Variants in NOX4 observed in about 807,000 individuals in gnomAD.
NOX4 encodes the protein NADPH oxidase 4.
Under a neutral mutation model 87.6 loss-of-function variants are expected in NOX4, and 69 were observed. The observed-to-expected ratio is 0.79, with a 90% CI of 0.65 to 0.96. NOX4 has a LOEUF of 0.96. Among genes scored for constraint, NOX4 ranks in the 40% least tolerant of loss-of-function variants. The probability of loss-of-function intolerance (pLI) is 0.00; values close to 1 mark genes in which losing one functional copy is unlikely to be tolerated. For synonymous variants in NOX4, 275 were observed against 238.2 expected (o/e 1.15, Z -1.42); for missense variants, 680 against 681.5 (o/e 1.00, Z 0.02).
At chr11:89,429,260 A>G (rs1191026356) in intron 7 of NOX4, among the ~76,000 whole-genome samples, 1 of 152,214 alleles carries the variant, frequency 6.6e-6, no homozygotes, top group Non-Finnish European at 1.5e-5. Context: ...GAAAGCAGGA[A>G]AGATCTAAAA....
chr11:89,467,886 A>ACATT (rs1162916838), intron 2 of NOX4, among the ~76,000 whole-genome samples: 2 of 152,350 alleles, frequency 1.3e-5, no homozygotes, highest in East Asian at 3.9e-4. Context: ...TTTGGCAATT[A>ACATT]CATTACTTTG....
At chr11:89,546,132 C>A in the NOX4 span, among the ~76,000 whole-genome samples, 1 of 152,110 alleles carries the variant, frequency 6.6e-6, no homozygotes, top group African/African-American at 2.4e-5. Flanking sequence ...TCATTTCAAC[C>A]ACTGTTCCCA....
chr11:89,443,282 A>AC (rs1414904355), intron 5 of NOX4: 1 of 152,106 alleles, frequency 6.6e-6, no homozygotes, highest in East Asian at 1.9e-4. Context: ...AAACACATGA[A>AC]CACAACAGTA....
At chr11:89,589,400 C>T in the NOX4 span, 6 of 152,192 alleles carry the variant, frequency 3.9e-5, no homozygotes, top group Admixed American at 3.9e-4. Flanking sequence ...AGTAGAAGCC[C>T]TATGTAATAC....
chr11:89,403,885 C>A (rs1942020331), intron 8 of NOX4, among the ~76,000 whole-genome samples: 1 of 152,196 alleles, frequency 6.6e-6, no homozygotes, highest in African/African-American at 2.4e-5. Flanking sequence ...ACCATCTCCT[C>A]ATCCTGATCA....
chr11:89,539,153 G>A, the NOX4 span, among the ~76,000 whole-genome samples: 4 of 152,156 alleles, frequency 2.6e-5, no homozygotes, highest in Admixed American at 6.5e-5. Context: ...AAATTTTTGG[G>A]CAGGATGCGG....
intron 11 of NOX4, among the ~76,000 whole-genome samples, chr11:89,384,342 GC>G (rs1443272382): frequency 2.6e-5 from 4 of 152,060 alleles, no homozygotes; most frequent in African/African-American, 9.7e-5. Flanking sequence ...AATTACCTGG[GC>G]TGTACTGCCA....
chr11:89,408,865 A>G (rs534990109), intron 8 of NOX4, among the ~76,000 whole-genome samples: 1 of 152,208 alleles, frequency 6.6e-6, no homozygotes, highest in South Asian at 2.1e-4. Flanking sequence ...CCCACATTTC[A>G]TTTTGCAGTG....
chr11:89,516,929 C>T, the NOX4 span, among the ~76,000 whole-genome samples: 13 of 152,030 alleles, frequency 8.6e-5, no homozygotes, highest in South Asian at 2.1e-3. Context: ...TACAGTTTTT[C>T]GAAAACAAAC....
rs568321674 is a variant in NOX4 at position 89,454,353 on chromosome 11, G to T, written c.154-2458C>A. ...ATCTACTCTGACAAGCTGAGTAGAT[G>T]TTATTATTGCCATGTTGGAGATGAA... On this transcript the variant is annotated intron_variant, in intron 2 of 17. Coordinates refer to ENST00000263317, the MANE Select transcript of NOX4 (RefSeq NM_016931.5). Among the ~76,000 whole-genome samples, 11 of 152,170 alleles carry T rather than the reference G, an allele frequency of 7.2e-5. No individual in the cohort carries two copies. In the South Asian group the frequency reaches 2.3e-3, roughly 32 times the overall value.
At chr11:89,483,655 TAGAC>T (rs57067802) in intron 2 of NOX4, among the ~76,000 whole-genome samples, 32,342 of 151,532 alleles carry the variant, frequency 0.21, 4,700 homozygotes, top group African/African-American at 0.42. Flanking sequence ...AAATTTCAGA[TAGAC>T]AGGAAGAATA....
At chr11:89,457,397 A>G (rs116136247) in intron 2 of NOX4, among the ~76,000 whole-genome samples, 3,490 of 152,264 alleles carry the variant, frequency 0.023, 137 homozygotes, top group African/African-American at 0.08. Context: ...ACACAGGACC[A>G]CTTCAGGCTC....
At chr11:89,480,630 G>T (rs958920294) in intron 2 of NOX4, among the ~76,000 whole-genome samples, 1 of 151,966 alleles carries the variant, frequency 6.6e-6, no homozygotes, top group East Asian at 1.9e-4. Context: ...TAATCAATGC[G>T]CAAATTGCTT....
rs747592281 is a variant in NOX4, at chr11:89,440,726, G to GA, written c.448-12dup. ...AAGTTTTCTAGGATCCTGAGAAAAA[G>GA]AAAAAAAAATAAATGATTAAAAACT... On this transcript the variant is annotated splice_polypyrimidine_tract_variant and intron_variant, in intron 5 of 17. Transcript: ENST00000263317. 1,868 of 1,440,482 alleles carry GA rather than the reference G, an allele frequency of 1.3e-3. No individual in the cohort carries two copies. The highest frequency in any genetic ancestry group is 1.4e-3 in the Non-Finnish European group (1,479 of 1,050,184). The allele number at this position is 1,440,482 out of a possible 1,614,324, so 89.2% of individuals were successfully genotyped here.
At chr11:89,535,511 T>A in the NOX4 span, among the ~76,000 whole-genome samples, 1 of 152,198 alleles carries the variant, frequency 6.6e-6, no homozygotes, top group East Asian at 1.9e-4. Context: ...GAACGCCAGA[T>A]GTTGTAGCAA....
intron 13 of NOX4, among the ~76,000 whole-genome samples, chr11:89,352,038 A>G (rs1278847563): frequency 1.3e-5 from 2 of 152,304 alleles, no homozygotes; most frequent in Admixed American, 1.3e-4. Context: ...TTCTCACTTA[A>G]AAGTGGGAGC....
At chr11:89,535,548 A>G in the NOX4 span, among the ~76,000 whole-genome samples, 1 of 152,186 alleles carries the variant, frequency 6.6e-6, no homozygotes, top group Admixed American at 6.5e-5. Context: ...ATTTATTTTG[A>G]TCAGCCTCTC....
At chr11:89,522,524 C>G in the NOX4 span, among the ~76,000 whole-genome samples, 1 of 152,066 alleles carries the variant, frequency 6.6e-6, no homozygotes, top group Admixed American at 6.6e-5. Flanking sequence ...GTTTGAAAAA[C>G]CAACTATTGA....
At chr11:89,500,293 C>T (rs1947003071), upstream of NOX4, among the ~76,000 whole-genome samples, 1 of 152,088 alleles carries the variant, frequency 6.6e-6, no homozygotes, top group Non-Finnish European at 1.5e-5. Context: ...ATTCAGTCTC[C>T]TACAGAAGGC....
Sources: allele counts gnomAD v4.1 joint callset (sites outside exome capture counted in the v4.1 genomes callset), GRCh38; gene constraint gnomAD v4.1.1; transcripts MANE v1.5; gene names NCBI Gene and HGNC (gene_info 2026-07-23, HGNC 2026-07-21).